The following MDN1 variants were observed in gnomAD, a reference collection of about 807,000 sequenced individuals.
MDN1 encodes the protein midasin.
In MDN1, 266 loss-of-function variants were observed where a neutral mutation model predicts 669.2. That is an observed-to-expected ratio of 0.40 (90% CI 0.36 to 0.44). The LOEUF is 0.44. MDN1 is among the 20% of genes least tolerant of loss of function. The pLI is 1.00. For synonymous variants in MDN1, 2,385 were observed against 2,457.1 expected (o/e 0.97, Z 0.87); for missense variants, 5,940 against 6,754.0 (o/e 0.88, Z 4.22).
chr6:89,736,491 G>T (rs139748515), intron 33 of MDN1, among the ~76,000 whole-genome samples: 159 of 152,266 alleles, frequency 1.0e-3, no homozygotes, highest in Non-Finnish European at 1.8e-3. Context: ...CTTGGTTAAC[G>T]ATTTCTGTCT....
At chr6:89,671,681 G>C (rs530044328) in intron 82 of MDN1, among the ~76,000 whole-genome samples, 1 of 152,244 alleles carries the variant, frequency 6.6e-6, no homozygotes, top group East Asian at 1.9e-4. Flanking sequence ...ATGAGACCGT[G>C]TCCCAAAATA....
intron 70 of MDN1, 60 bp from the exon 71 acceptor site, chr6:89,685,045 G>T: frequency 8.7e-7 from 1 of 1,143,412 alleles, no homozygotes; most frequent in Non-Finnish European, 1.3e-6. Context: ...ACTGGTGCCA[G>T]CTGTGGCCTT....
intron 88 of MDN1, among the ~76,000 whole-genome samples, chr6:89,660,264 C>T: frequency 6.6e-6 from 1 of 152,174 alleles, no homozygotes; most frequent in East Asian, 1.9e-4. Flanking sequence ...TGGCCTACTG[C>T]AGCCTCAACC....
intron 1 of MDN1, chr6:89,815,367 G>C: frequency 2.2e-6 from 1 of 448,756 alleles, no homozygotes; most frequent in South Asian, 1.7e-5. Context: ...GTGGTGAAAT[G>C]ACACTCTCAT....
intron 89 of MDN1, 55 bp downstream of exon 89, chr6:89,658,555 G>T: frequency 6.4e-7 from 1 of 1,559,992 alleles, no homozygotes; most frequent in South Asian, 1.2e-5. Flanking sequence ...GGAATAAGGT[G>T]ACTTCTCCTC....
intron 88 of MDN1, among the ~76,000 whole-genome samples, chr6:89,661,031 A>G (rs1410575517): frequency 6.6e-6 from 1 of 152,218 alleles, no homozygotes; most frequent in Non-Finnish European, 1.5e-5. Flanking sequence ...ACAATCAATA[A>G]CTGAAACCAT....
Position 89,772,692 on chromosome 6 carries a change from G to A in MDN1, c.1964C>T (p.Pro655Leu), listed in dbSNP as rs374519011. 7.0e-5 allele frequency: 113 copies of A among 1,613,730 alleles called. No homozygotes were observed. Among genetic ancestry groups the A allele is most frequent in the Non-Finnish European group, 8.8e-5 (104 of 1,179,924 alleles). ...AAGCTGCTCGATGAGAACAGAGGAC[G>A]GCCGTGTAGCAGCGAAAGTGAACTT... ...REKFTFAATR[P>L]SSVLIEQLAV... The change falls in exon 14 of 102, where the codon CCG becomes CTG. Residue 655 changes from proline (P) to leucine (L), a missense_variant. By Grantham distance (98) the Pro-to-Leu change is moderately conservative (BLOSUM62 -3). This residue lies in a region of MDN1 where 1,203 missense variants were observed against 1,268.9 expected (regional missense o/e 0.95). Coordinates refer to ENST00000369393, the MANE Select transcript of MDN1 (RefSeq NM_014611.3).
intron 78 of MDN1, 134 bp from the exon 79 acceptor site, chr6:89,674,723 G>T: frequency 7.9e-7 from 1 of 1,261,166 alleles, no homozygotes; most frequent in Non-Finnish European, 1.1e-6. Context: ...GAATCCCCCA[G>T]ATAGGTAAAA....
At chr6:89,723,351 A>T (rs565127153) in intron 39 of MDN1, among the ~76,000 whole-genome samples, 161 bp downstream of exon 39, 227 of 152,352 alleles carry the variant, frequency 1.5e-3, no homozygotes, top group African/African-American at 5.3e-3. Context: ...GAATTACTGG[A>T]AGCCTCCACT....
intron 1 of MDN1, among the ~76,000 whole-genome samples, chr6:89,811,130 T>C (rs966018907): frequency 2.0e-5 from 3 of 152,188 alleles, no homozygotes; most frequent in African/African-American, 4.8e-5. Flanking sequence ...ACAATATGGG[T>C]GGTGCTTTCC....
chr6:89,742,180 A>G (rs972286568), intron 31 of MDN1, among the ~76,000 whole-genome samples: 1 of 151,990 alleles, frequency 6.6e-6, no homozygotes, highest in Non-Finnish European at 1.5e-5. Context: ...TGGGAGGCCA[A>G]GGTGGGCGGA....
chr6:89,699,012 A>G lies in MDN1; in HGVS notation c.9021T>C (p.Ser3007=), dbSNP rs143066868. ...HQKVSPEEIT[S]LWSELFNSMF... is the part of the protein sequence containing the mutation. The stretch of plus-strand genomic sequence containing the variant: ...TGGAATTAAATAACTCGGACCACAA[A>G]GATGTAATTTCTTCAGGAGACACCT... Residue 3007 remains serine (S), a synonymous_variant, in exon 59 of 102, where the codon TCT becomes TCC. Coordinates refer to ENST00000369393, the MANE Select transcript of MDN1 (RefSeq NM_014611.3). 1 of 1,613,482 alleles carries G rather than the reference A, an allele frequency of 6.2e-7. No homozygotes were observed. The highest frequency in any genetic ancestry group is 1.3e-5 in the African/African-American group (1 of 74,938).
intron 8 of MDN1, 58 bp downstream of exon 8, chr6:89,787,796 A>G (rs1819044948): frequency 1.5e-6 from 2 of 1,349,354 alleles, no homozygotes; most frequent in Non-Finnish European, 2.1e-6. Flanking sequence ...CTGGCTCAGC[A>G]TGCAGACTTA....
intron 18 of MDN1, among the ~76,000 whole-genome samples, 170 bp from the exon 19 acceptor site, chr6:89,758,521 C>CT (rs1299556231): frequency 3.9e-5 from 6 of 152,312 alleles, no homozygotes; most frequent in Middle Eastern, 3.4e-3. Flanking sequence ...ATACTGCAGT[C>CT]TTTTGCGGTA....
At chr6:89,650,905 T>C (rs546439545) in intron 95 of MDN1, 58 bp from the exon 96 acceptor site, 5 of 1,424,884 alleles carry the variant, frequency 3.5e-6, no homozygotes, top group East Asian at 2.3e-5. Flanking sequence ...CCAAGTCTTC[T>C]AGCAAGATGC....
intron 1 of MDN1, chr6:89,815,369 C>A (rs558587842): frequency 6.1e-5 from 27 of 442,620 alleles, no homozygotes; most frequent in Non-Finnish European, 9.7e-5. Flanking sequence ...GGTGAAATGA[C>A]ACTCTCATTC....
chr6:89,819,679 G>T lies in MDN1; in HGVS notation c.-72C>A. On this transcript the variant is annotated 5_prime_UTR_variant, in exon 1 of 102. Transcript: ENST00000369393. ...CGGCCAGCGTCCCCAAGCCGCCGAG[G>T]TCCCAGTGCCCGAGCAGCCAGCAAC... 1.5e-6 allele frequency: 2 copies of T among 1,300,734 alleles called. No individual in the cohort carries two copies. The highest frequency in any genetic ancestry group is 2.2e-6 in the Non-Finnish European group (2 of 910,436). 80.6% of individuals were successfully genotyped at this position (1,300,734 alleles called of 1,614,324 possible). A position where few individuals can be genotyped will look rare whatever the true frequency, so the allele number is the denominator to read the frequency against.
chr6:89,746,957 CT>C (rs1816671866), intron 27 of MDN1, among the ~76,000 whole-genome samples: 1 of 152,182 alleles, frequency 6.6e-6, no homozygotes, highest in African/African-American at 2.4e-5. Flanking sequence ...CTGATGTTTT[CT>C]GACAAATCAG....
intron 71 of MDN1, among the ~76,000 whole-genome samples, chr6:89,684,278 G>C (rs891089343): frequency 3.9e-5 from 6 of 152,020 alleles, no homozygotes; most frequent in African/African-American, 1.4e-4. Context: ...GGGAGGCAAA[G>C]GCTGCAGTGA....
Sources: gnomAD v4.1 joint callset for allele counts (sites outside exome capture counted in the v4.1 genomes callset) on GRCh38, gnomAD v4.1.1 for gene constraint, gnomAD v4.1.1 regional missense constraint, MANE v1.5 for transcripts, NCBI Gene and HGNC (gene_info 2026-07-23, HGNC 2026-07-21) for gene names.